Variants in PFKL observed in about 807,000 individuals in gnomAD.
PFKL encodes phosphofructokinase, liver type.
In PFKL, 74 loss-of-function variants were observed where a neutral mutation model predicts 92.1. The ratio of observed to expected loss-of-function variants is 0.80; its 90% CI spans 0.67 to 0.97. The LOEUF is 0.97. Ranked by LOEUF, PFKL falls within the 50% of genes least tolerant of loss-of-function variation. The probability of loss-of-function intolerance (pLI) is 0.00; values close to 1 mark genes in which losing one functional copy is unlikely to be tolerated. For missense variants in PFKL, 1,028 were observed against 1,116.6 expected (o/e 0.92, Z 1.13); for synonymous variants, 494 against 456.4 (o/e 1.08, Z -1.05).
intron 1 of PFKL, among the ~76,000 whole-genome samples, 150 bp from the exon 2 acceptor site, chr21:44,306,528 TGAG>T (rs1359411697): frequency 6.6e-6 from 1 of 150,478 alleles, no homozygotes; most frequent in East Asian, 2.0e-4. Context: ...CCTCTTGAGA[TGAG>T]GAGGGTGACC....
chr21:44,322,689 G>T (rs371454780), intron 14 of PFKL, among the ~76,000 whole-genome samples: 2 of 152,184 alleles, frequency 1.3e-5, no homozygotes, highest in Non-Finnish European at 2.9e-5. Flanking sequence ...AGAAAGCCTC[G>T]GGCAGGAAGG....
intron 1 of PFKL, among the ~76,000 whole-genome samples, chr21:44,303,784 C>T (rs2040847778): frequency 2.0e-5 from 3 of 152,158 alleles, no homozygotes; most frequent in Admixed American, 6.5e-5. Flanking sequence ...GGAACCAGCG[C>T]ACCAACCTCA....
chr21:44,324,843 G>A lies in PFKL; in HGVS notation c.1816-13G>A, dbSNP rs201636078. The A allele has an allele frequency of 4.9e-4, 789 of 1,604,194 alleles. 3 individuals are homozygous for A. In the African/African-American group the frequency reaches 6.1e-3, roughly 12 times the overall value. ...ACAGTCCTCCGGCTCATCCGTGTCC[G>A]CCCCTCCCGCAGGTCAACGTGGAGC... On this transcript the variant is annotated splice_polypyrimidine_tract_variant and intron_variant, in intron 17 of 21. Transcript: ENST00000349048.
intron 17 of PFKL, 47 bp downstream of exon 17, chr21:44,324,702 G>C (rs1049441600): frequency 2.6e-6 from 4 of 1,562,994 alleles, no homozygotes; most frequent in Non-Finnish European, 3.5e-6. Flanking sequence ...CGGCATGCCA[G>C]CCTGGGCCCC....
intron 14 of PFKL, 26 bp downstream of exon 14, chr21:44,322,229 G>A (rs1485915936): frequency 6.3e-7 from 1 of 1,586,446 alleles, no homozygotes; most frequent in Admixed American, 1.7e-5. Flanking sequence ...CGGGTACCTG[G>A]GGGCAGGAGG....
rs746591914 is a variant in PFKL, at chr21:44,326,045, G to A, written c.2074G>A (p.Glu692Lys). 5.5e-5 allele frequency: 89 copies of A among 1,613,580 alleles called. No homozygotes were observed. The highest frequency in any genetic ancestry group is 3.3e-4 in the Middle Eastern group (2 of 6,084). The change falls in exon 20 of 22, where the codon GAG becomes AAG. Residue 692 changes from glutamate (E) to lysine (K), a missense_variant. Coordinates refer to ENST00000349048, the MANE Select transcript of PFKL (RefSeq NM_002626.6). ...GCTGTGGTTGTCGGAGAAGCTGCGC[G>A]AGGTTTACCGCAAGGGTAGGTGGTG... is the stretch of plus-strand genomic sequence containing the variant. ...AMLWLSEKLR[E>K]VYRKGRVFAN...
Position 44,324,468 on chromosome 21 carries a change from C to T in PFKL, c.1651-23C>T, listed in dbSNP as rs189079140. On this transcript the variant is annotated intron_variant, in intron 16 of 21. Transcript: ENST00000349048. ...GGGAAGGGTGGGCACGTGGAGGACCCCCGACCCCCCCTTGTCCCCCAGAGC... is the reference window on the plus strand; with the variant it reads ...GGGAAGGGTGGGCACGTGGAGGACCTCCGACCCCCCCTTGTCCCCCAGAGC... 5,812 of 1,611,892 alleles carry T rather than the reference C, an allele frequency of 3.6e-3. 13 individuals are homozygous for T. Among genetic ancestry groups the T allele is most frequent in the Non-Finnish European group, 4.4e-3 (5,181 of 1,179,146 alleles).
At chr21:44,301,413 A>C (rs1350489337) in intron 1 of PFKL, among the ~76,000 whole-genome samples, 2 of 152,002 alleles carry the variant, frequency 1.3e-5, no homozygotes, top group Admixed American at 6.6e-5. Context: ...GCTCTGGGTC[A>C]CGCCTTTCCT....
At chr21:44,308,558 AATT>A (rs2041021322) in intron 2 of PFKL, among the ~76,000 whole-genome samples, 2 of 137,606 alleles carry the variant, frequency 1.5e-5, no homozygotes, top group Non-Finnish European at 1.5e-5. Context: ...GGGGGGTAGG[AATT>A]TTTTTTTTTT....
chr21:44,316,904 C>G (rs1383842425), intron 9 of PFKL, among the ~76,000 whole-genome samples: 1 of 152,188 alleles, frequency 6.6e-6, no homozygotes, highest in African/African-American at 2.4e-5. Flanking sequence ...CCTGGCTGTT[C>G]TGACCCCCAC....
chr21:44,325,089 G>T, intron 18 of PFKL, 64 bp from the exon 19 acceptor site: 2 of 1,291,840 alleles, frequency 1.5e-6, no homozygotes, highest in Admixed American at 3.5e-5. Flanking sequence ...GCCCAGCGGG[G>T]ACTCAGGATC....
In PFKL at chr21:44,326,975, T is replaced by TCACG. The variant is rs2047533044; in HGVS notation, c.*114_*115insACGC. ...AGCCTGCAGGCAGGTGGGGGCTGCG[T>TCACG]CCCTGCTCAGCCCATCCCCTGCCTC... is the stretch of plus-strand genomic sequence containing the variant. On this transcript the variant is annotated 3_prime_UTR_variant, in exon 22 of 22. Coordinates refer to ENST00000349048, the MANE Select transcript of PFKL (RefSeq NM_002626.6). The TCACG allele has an allele frequency of 4.0e-6, 4 of 991,606 alleles. No individual in the cohort carries two copies. In the South Asian group the frequency reaches 6.0e-5, roughly 15 times the overall value. The allele number at this position is 991,606 out of a possible 1,614,324, so 61.4% of individuals were successfully genotyped here. A position where few individuals can be genotyped will look rare whatever the true frequency, so the allele number is the denominator to read the frequency against.
rs770461511 is a variant in PFKL at position 44,325,193 on chromosome 21, T to A, written c.1918T>A (p.Tyr640Asn). The change falls in exon 19 of 22, where the codon TAC becomes AAC. Residue 640 changes from tyrosine (Y) to asparagine (N), a missense_variant. By Grantham distance (143) the Tyr-to-Asn change is moderately radical. Coordinates refer to ENST00000349048, the MANE Select transcript of PFKL (RefSeq NM_002626.6). ...TGACTACTACACCACGGAGTTCCTG[T>A]ACAACCTGTACTCATCAGAGGGCAA... ...CHDYYTTEFL[Y>N]NLYSSEGKGV... 1 of 1,613,102 alleles carries A rather than the reference T, an allele frequency of 6.2e-7. No homozygotes were observed. The highest frequency in any genetic ancestry group is 1.1e-5 in the South Asian group (1 of 91,082).
At chr21:44,319,930 C>T (rs1174496508) in intron 11 of PFKL, 154 bp from the exon 12 acceptor site, 1 of 662,346 alleles carries the variant, frequency 1.5e-6, no homozygotes, top group Non-Finnish European at 2.7e-6. Context: ...TGGAAGGTGC[C>T]CTGCCTGGCA....
In PFKL at chr21:44,319,529, C is replaced by T. The variant is rs113881238; in HGVS notation, c.1127+114C>T. 7.7e-5 allele frequency: 70 copies of T among 907,228 alleles called. 1 individual carries two copies. Among genetic ancestry groups the T allele is most frequent in the African/African-American group, 2.0e-4 (12 of 61,226 alleles). The allele number at this position is 907,228 out of a possible 1,614,324, so 56.2% of individuals were successfully genotyped here. ...GCCTGGGTCATCCTTCTAGGCACCGCGTCTGAAGATCGAGGGAGGAAGGGG... is the reference window on the plus strand; with the variant it reads ...GCCTGGGTCATCCTTCTAGGCACCGTGTCTGAAGATCGAGGGAGGAAGGGG... On this transcript the variant is annotated intron_variant, in intron 11 of 21. Transcript: ENST00000349048.
At chr21:44,316,728 T>G (rs1237593400) in intron 9 of PFKL, among the ~76,000 whole-genome samples, 2 of 151,528 alleles carry the variant, frequency 1.3e-5, no homozygotes, top group Non-Finnish European at 2.9e-5. Context: ...TCCGTGTGGG[T>G]GTGTGTGGCA....
intron 19 of PFKL, 129 bp from the exon 20 acceptor site, chr21:44,325,832 C>T (rs760254813): frequency 1.7e-5 from 11 of 650,270 alleles, no homozygotes; most frequent in African/African-American, 7.3e-5. Flanking sequence ...GAACGGTGCA[C>T]GGGTTGGAAG....
intron 1 of PFKL, 56 bp from the exon 2 acceptor site, chr21:44,306,625 T>C: frequency 1.6e-6 from 2 of 1,269,506 alleles, no homozygotes; most frequent in Non-Finnish European, 1.1e-6. Flanking sequence ...ATGGGGAGGG[T>C]GTCCAGGGCC....
chr21:44,318,728 T>C, intron 10 of PFKL, 133 bp downstream of exon 10: 1 of 444,152 alleles, frequency 2.3e-6, no homozygotes, highest in Non-Finnish European at 3.6e-6. Context: ...GCCCAGGGCA[T>C]CCCAGGTCTC....
Sources: gnomAD v4.1 joint callset for allele counts (sites outside exome capture counted in the v4.1 genomes callset) on GRCh38, gnomAD v4.1.1 for gene constraint, MANE v1.5 for transcripts, NCBI Gene and HGNC (gene_info 2026-07-23, HGNC 2026-07-21) for gene names.